TMEM126A: variants seen among roughly 807,000 people sequenced by gnomAD.
TMEM126A encodes the protein optic atrophy 7.
TMEM126A carries 10 observed loss-of-function variants against 18.3 expected under a neutral mutation model. That is an observed-to-expected ratio of 0.55 (90% CI 0.34 to 0.93). TMEM126A has a LOEUF of 0.93. Among genes scored for constraint, TMEM126A ranks in the 40% least tolerant of loss-of-function variants. TMEM126A has a pLI of 0.02. For synonymous variants in TMEM126A, 68 were observed against 78.1 expected (o/e 0.87, Z 0.68); for missense variants, 246 against 230.2 (o/e 1.07, Z -0.44).
intron 1 of TMEM126A, 23 bp from the exon 2 acceptor site, chr11:85,650,226 A>G (rs775528323): frequency 1.4e-6 from 2 of 1,419,680 alleles, no homozygotes; most frequent in Non-Finnish European, 2.0e-6. Context: ...TTCTTGAGAA[A>G]TGATATCTTC....
chr11:85,656,062 T>C (rs1039047781), intron 4 of TMEM126A, among the ~76,000 whole-genome samples: 17 of 152,240 alleles, frequency 1.1e-4, no homozygotes, highest in African/African-American at 2.4e-5. Flanking sequence ...CTAGCTGTTA[T>C]ATTAGCCTTC....
In TMEM126A at chr11:85,656,534, G is replaced by A; in HGVS notation, c.*33G>A. 6.5e-7 allele frequency: 1 copy of A among 1,541,954 alleles called. No individual in the cohort carries two copies. The highest frequency in any genetic ancestry group is 1.1e-5 in the South Asian group (1 of 88,586). On this transcript the variant is annotated 3_prime_UTR_variant, in exon 5 of 5. Coordinates refer to ENST00000304511, the MANE Select transcript of TMEM126A (RefSeq NM_032273.4). ...CAAATATGTAAACAAAAATAAAATG[G>A]TAAAAACAGTTTATGTCTAATGTTA... is the stretch of plus-strand genomic sequence containing the variant.
At chr11:85,652,914 G>T (rs1328891930) in intron 2 of TMEM126A, among the ~76,000 whole-genome samples, 2 of 151,768 alleles carry the variant, frequency 1.3e-5, no homozygotes, top group Non-Finnish European at 2.9e-5. Flanking sequence ...ATATTTTAGA[G>T]GAAGTGTTCA....
intron 2 of TMEM126A, 49 bp from the exon 3 acceptor site, chr11:85,654,014 C>G: frequency 6.3e-7 from 1 of 1,596,468 alleles, no homozygotes; most frequent in South Asian, 1.1e-5. Flanking sequence ...CGGGAAAGCT[C>G]ACACACACAA....
chr11:85,651,826 C>T (rs2082502463), intron 2 of TMEM126A, among the ~76,000 whole-genome samples: 1 of 152,070 alleles, frequency 6.6e-6, no homozygotes, highest in African/African-American at 2.4e-5. Flanking sequence ...GAACTATGTC[C>T]ATGTTTCCAG....
chr11:85,655,318 A>G, intron 3 of TMEM126A: 1 of 354,904 alleles, frequency 2.8e-6, no homozygotes, highest in Non-Finnish European at 5.3e-6. Flanking sequence ...ATAAAAAACA[A>G]GGCAGAAAGC....
Position 85,653,347 on chromosome 11 carries a change from C to T in TMEM126A, c.87-716C>T, listed in dbSNP as rs185615171. Reference sequence around the variant, plus strand: ...AGTTAGAGGAGGTACTCTGTGGCTACTTTGGCTAGTTAAGAGTAATGAAAA... The same window carrying T: ...AGTTAGAGGAGGTACTCTGTGGCTATTTTGGCTAGTTAAGAGTAATGAAAA... On this transcript the variant is annotated intron_variant, in intron 2 of 4. Coordinates refer to ENST00000304511, the MANE Select transcript of TMEM126A (RefSeq NM_032273.4). 3.9e-4 allele frequency among the ~76,000 whole-genome samples: 59 copies of T among 152,236 alleles called. 1 individual carries two copies. The highest frequency in any genetic ancestry group is 1.0e-3 in the Admixed American group (16 of 15,302).
chr11:85,652,654 TTAAC>T (rs2153312883), intron 2 of TMEM126A, among the ~76,000 whole-genome samples: 1 of 152,314 alleles, frequency 6.6e-6, no homozygotes, highest in South Asian at 2.1e-4. Flanking sequence ...TAACTTTTAA[TTAAC>T]TAAACATTTT....
intron 2 of TMEM126A, among the ~76,000 whole-genome samples, chr11:85,651,436 T>A (rs1167260240): frequency 6.6e-6 from 1 of 151,948 alleles, no homozygotes; most frequent in Non-Finnish European, 1.5e-5. Context: ...AGATTTGAGG[T>A]AGGAAAGAAA....
At chr11:85,649,058 C>G (rs2082481653) in intron 1 of TMEM126A, among the ~76,000 whole-genome samples, 1 of 152,004 alleles carries the variant, frequency 6.6e-6, no homozygotes. Context: ...CCTCAGCCTC[C>G]CGAGTAGCTG....
In TMEM126A at chr11:85,654,084, G is replaced by A. The variant is rs767966668; in HGVS notation, c.108G>A (p.Ser36=). ...EAERNLLENG[S]VYVGLNAALC... is the part of the protein sequence containing the mutation. ...TCAGGAATCTACTTGAAAATGGATC[G>A]GTTTATGTTGGATTAAATGCTGCTC... is the stretch of plus-strand genomic sequence containing the variant. Residue 36 remains serine (S), a synonymous_variant, in exon 3 of 5, where the codon TCG becomes TCA. Coordinates refer to ENST00000304511, the MANE Select transcript of TMEM126A (RefSeq NM_032273.4). 4.3e-6 allele frequency: 7 copies of A among 1,614,002 alleles called. No homozygotes were observed. Among genetic ancestry groups the A allele is most frequent in the East Asian group, 2.2e-5 (1 of 44,890 alleles).
At chr11:85,648,517 G>A (rs914126051) in intron 1 of TMEM126A, among the ~76,000 whole-genome samples, 1 of 152,170 alleles carries the variant, frequency 6.6e-6, no homozygotes, top group South Asian at 2.1e-4. Flanking sequence ...TATTAATATC[G>A]GAGACAAAAT....
In TMEM126A at chr11:85,654,085, G is replaced by C; in HGVS notation, c.109G>C (p.Val37Leu). The change falls in exon 3 of 5, where the codon GTT becomes CTT. Residue 37 changes from valine (V) to leucine (L), a missense_variant. Val to Leu is a conservative substitution (Grantham distance 32, BLOSUM62 1). Transcript: ENST00000304511. The part of the protein sequence containing the change: ...AERNLLENGS[V>L]YVGLNAALCG... ...CAGGAATCTACTTGAAAATGGATCG[G>C]TTTATGTTGGATTAAATGCTGCTCT... 7.4e-6 allele frequency: 12 copies of C among 1,614,124 alleles called. No homozygotes were observed. The highest frequency in any genetic ancestry group is 1.0e-5 in the Non-Finnish European group (12 of 1,180,006).
chr11:85,654,025 T>C (rs756387480), intron 2 of TMEM126A, 38 bp from the exon 3 acceptor site: 2 of 1,610,098 alleles, frequency 1.2e-6, no homozygotes, highest in Non-Finnish European at 1.7e-6. Context: ...ACACACACAA[T>C]AATGCCAAAG....
intron 2 of TMEM126A, among the ~76,000 whole-genome samples, chr11:85,651,985 G>A (rs1439624298): frequency 2.0e-5 from 3 of 152,132 alleles, no homozygotes; most frequent in Admixed American, 6.5e-5. Flanking sequence ...CCAACATGGC[G>A]AAACCCTATC....
Position 85,655,598 on chromosome 11 carries a change from T to G in TMEM126A, c.285T>G (p.Asp95Glu), listed in dbSNP as rs933677902. 6.2e-7 allele frequency: 1 copy of G among 1,611,360 alleles called. No homozygotes were observed. The highest frequency in any genetic ancestry group is 1.1e-5 in the South Asian group (1 of 91,026). Residue 95 changes from aspartate (D) to glutamate (E), a missense_variant, in exon 4 of 5, where the codon GAT becomes GAG. Physicochemically the swap from Asp to Glu is conservative, Grantham distance 45 (BLOSUM62 2). Coordinates refer to ENST00000304511, the MANE Select transcript of TMEM126A (RefSeq NM_032273.4). ...CFVSFPLNTG[D>E]LDCETCTITR... ...TATGACTAATTTATTTCCTAGGTGA[T>G]TTGGATTGTGAAACCTGTACCATAA...
chr11:85,656,252 G>T, intron 4 of TMEM126A, 57 bp from the exon 5 acceptor site: 1 of 1,466,116 alleles, frequency 6.8e-7, no homozygotes, highest in South Asian at 1.1e-5. Context: ...TCACAGATGG[G>T]TTTGCCATTT....
rs774631860 is a variant in TMEM126A at position 85,653,991 on chromosome 11, C to T, written c.87-72C>T. The T allele has an allele frequency of 3.0e-4, 462 of 1,538,226 alleles. 1 individual carries two copies. The highest frequency in any genetic ancestry group is 3.9e-4 in the Non-Finnish European group (438 of 1,111,378). On this transcript the variant is annotated intron_variant, in intron 2 of 4. Coordinates refer to ENST00000304511, the MANE Select transcript of TMEM126A (RefSeq NM_032273.4). ...TTAGTGTATTCCCAAAGTCCTATAA[C>T]ACATGTCAAGATCGGGAAAGCTCAC...
At chr11:85,651,641 TA>T (rs1181129682) in intron 2 of TMEM126A, among the ~76,000 whole-genome samples, 1 of 151,838 alleles carries the variant, frequency 6.6e-6, no homozygotes, top group Non-Finnish European at 1.5e-5. Context: ...GGAGAACCCA[TA>T]AATCAAGACC....
Sources: allele counts gnomAD v4.1 joint callset (sites outside exome capture counted in the v4.1 genomes callset), GRCh38; gene constraint gnomAD v4.1.1; transcripts MANE v1.5; gene names NCBI Gene and HGNC (gene_info 2026-07-23, HGNC 2026-07-21).